The following ALMS1 variants were observed in gnomAD, a reference collection of about 807,000 sequenced individuals.
ALMS1 encodes centrosome-associated protein ALMS1.
In ALMS1, 271 loss-of-function variants were observed where a neutral mutation model predicts 352.2. The ratio of observed to expected loss-of-function variants is 0.77; its 90% CI spans 0.70 to 0.85. The LOEUF is 0.85. ALMS1 is among the 40% of genes least tolerant of loss of function. The pLI, the probability that ALMS1 is intolerant of heterozygous loss-of-function variation, is 0.00. For missense variants in ALMS1, 5,445 were observed against 4,870.7 expected, an observed-to-expected ratio of 1.12 and a Z score of -3.51; for synonymous variants, 1,865 against 1,761.2, an observed-to-expected ratio of 1.06 and a Z score of -1.48.
intron 16 of ALMS1, among the ~76,000 whole-genome samples, chr2:73,581,618 A>G (rs1273886401): frequency 6.6e-6 from 1 of 152,030 alleles, no homozygotes; most frequent in African/African-American, 2.4e-5. Context: ...AGTTTTCCGT[A>G]TTTTTTGGTG....
In ALMS1 at chr2:73,572,422, T is replaced by G; in HGVS notation, c.10545T>G (p.Phe3515Leu). The G allele has an allele frequency of 6.2e-7, 1 of 1,612,870 alleles. No individual in the cohort carries two copies. The highest frequency in any genetic ancestry group is 1.3e-5 in the African/African-American group (1 of 74,966). The change falls in exon 16 of 23, where the codon TTT becomes TTG. Residue 3515 changes from phenylalanine (F) to leucine (L), a missense_variant. Phe to Leu is a conservative substitution (Grantham distance 22, BLOSUM62 0). Coordinates refer to ENST00000613296, the MANE Select transcript of ALMS1 (RefSeq NM_001378454.1). ...VFMRHSWKDF[F>L]QHHPDKHREH... Reference sequence around the variant, plus strand: ...TGAGACATTCTTGGAAAGATTTCTTTCAGCATCATCCAGACAAACATAGAG... The same window carrying G: ...TGAGACATTCTTGGAAAGATTTCTTGCAGCATCATCCAGACAAACATAGAG...
intron 10 of ALMS1, among the ~76,000 whole-genome samples, chr2:73,505,692 G>C (rs1012064711): frequency 3.3e-4 from 50 of 152,022 alleles, no homozygotes; most frequent in Non-Finnish European, 5.4e-4. Flanking sequence ...GTGGATCTCA[G>C]CCCTTTTTCA....
At chr2:73,607,616 C>G (rs972224689) in intron 21 of ALMS1, among the ~76,000 whole-genome samples, 1 of 151,872 alleles carries the variant, frequency 6.6e-6, no homozygotes, top group African/African-American at 2.4e-5. Context: ...TCCCTTTCTG[C>G]TCTTATCCAT....
intron 10 of ALMS1, among the ~76,000 whole-genome samples, chr2:73,493,346 TACACAC>T (rs55857864): frequency 5.9e-4 from 85 of 144,476 alleles, no homozygotes; most frequent in African/African-American, 1.7e-3. Context: ...TAAGGCAAAC[TACACAC>T]ACACACACAC....
rs200826558 is a variant in ALMS1 at position 73,447,896 on chromosome 2, T to TC, written c.1433-62dup. The TC allele has an allele frequency of 2.9e-5, 43 of 1,495,340 alleles. No individual in the cohort carries two copies. In the East Asian group the frequency reaches 9.0e-4, roughly 31 times the overall value. 92.6% of individuals were successfully genotyped at this position (1,495,340 alleles called of 1,614,324 possible). On this transcript the variant is annotated intron_variant, in intron 7 of 22. Transcript: ENST00000613296. ...TTTAAAGGCTCAAAGCTGGCTTTTT[T>TC]CCAGCACATAGAATTTTAAAATAGA...
chr2:73,398,060 A>G (rs932149041), intron 1 of ALMS1, among the ~76,000 whole-genome samples: 1 of 152,200 alleles, frequency 6.6e-6, no homozygotes, highest in East Asian at 1.9e-4. Flanking sequence ...AAACCCAAGG[A>G]CATCTAGATT....
chr2:73,554,149 A>C (rs1373537988), intron 13 of ALMS1, among the ~76,000 whole-genome samples: 1 of 152,020 alleles, frequency 6.6e-6, no homozygotes, highest in Non-Finnish European at 1.5e-5. Flanking sequence ...TCACCTCAAA[A>C]AAGTAAGAAG....
At chr2:73,545,064 G>GT (rs1449227216) in intron 12 of ALMS1, among the ~76,000 whole-genome samples, 5 of 152,026 alleles carry the variant, frequency 3.3e-5, no homozygotes, top group Non-Finnish European at 7.4e-5. Flanking sequence ...TGGGTACAGA[G>GT]TTTAAGTCTG....
At position 73,449,939 on chromosome 2, in the gene ALMS1, A is replaced by G. The variant is rs201884768; in HGVS notation, c.3412A>G (p.Thr1138Ala). ...GLADQKTGTP[T>A]VTSTSYSQHR... ...AGCAGACCAGAAGACTGGCACACCA[A>G]CTGTAACCTCAACTTCCTACTCACA... Residue 1138 changes from threonine to alanine, a missense_variant, in exon 8 of 23, where the codon ACT becomes GCT. Transcript: ENST00000613296. 126 of 1,613,816 alleles carry G rather than the reference A, an allele frequency of 7.8e-5. No individual in the cohort carries two copies. In the Middle Eastern group the frequency reaches 2.1e-3, roughly 27 times the overall value.
intron 10 of ALMS1, among the ~76,000 whole-genome samples, chr2:73,504,886 C>G (rs1156974849): frequency 6.6e-6 from 1 of 152,122 alleles, no homozygotes. Flanking sequence ...CCCTTGCTTC[C>G]TACCCCACAA....
Position 73,451,586 on chromosome 2 carries a change from G to T in ALMS1, c.5059G>T (p.Glu1687Ter). ...CCTATCAGACAGTCATTTACCTGAA[G>T]AAGCTCTGAAAGTTCCACCTGTTCC... ...QTLSDSHLPEEALKVPPVPGP... is the reference protein window; with the variant it reads ...QTLSDSHLPE Residue 1687 changes from glutamate to a stop codon, truncating the protein, a stop_gained, in exon 8 of 23, where the codon GAA becomes TAA. Transcript: ENST00000613296. LOFTEE classifies it high-confidence loss of function. The T allele has an allele frequency of 6.2e-7, 1 of 1,614,068 alleles. No individual in the cohort carries two copies. Among genetic ancestry groups the T allele is most frequent in the Non-Finnish European group, 8.5e-7 (1 of 1,180,000 alleles).
chr2:73,468,726 A>T (rs2103836263), intron 9 of ALMS1, among the ~76,000 whole-genome samples: 1 of 151,988 alleles, frequency 6.6e-6, no homozygotes, highest in East Asian at 1.9e-4. Context: ...TTGTAAAGTG[A>T]GTCTGTTGTA....
chr2:73,468,313 C>G (rs932715404), intron 9 of ALMS1, among the ~76,000 whole-genome samples: 1 of 139,332 alleles, frequency 7.2e-6, no homozygotes, highest in African/African-American at 3.0e-5. Flanking sequence ...TAATAAGACT[C>G]TATATCCACC....
chr2:73,601,189 C>T lies in ALMS1; in HGVS notation c.11873-6C>T, dbSNP rs749542120. ...CTGTGTTCCTTCTAAAAACTGTTTC[C>T]TGTAGGAGTTTCCTGGTTTGTTCCT... On this transcript the variant is annotated splice_polypyrimidine_tract_variant and splice_region_variant and intron_variant, in intron 18 of 22. Coordinates refer to ENST00000613296, the MANE Select transcript of ALMS1 (RefSeq NM_001378454.1). 1.2e-6 allele frequency: 2 copies of T among 1,613,954 alleles called. No homozygotes were observed. Among genetic ancestry groups the T allele is most frequent in the African/African-American group, 1.3e-5 (1 of 74,932 alleles).
intron 10 of ALMS1, among the ~76,000 whole-genome samples, chr2:73,509,509 C>T (rs1212431545): frequency 6.6e-6 from 1 of 152,150 alleles, no homozygotes; most frequent in East Asian, 1.9e-4. Context: ...ATTTCTCCTT[C>T]ACTTATGATG....
At chr2:73,482,682 A>G (rs1167325397) in intron 9 of ALMS1, among the ~76,000 whole-genome samples, 1 of 152,184 alleles carries the variant, frequency 6.6e-6, no homozygotes, top group African/African-American at 2.4e-5. Context: ...CCTCTGGTAG[A>G]ATTCGGCTGT....
chr2:73,603,914 C>A (rs1417599534), intron 21 of ALMS1: 1 of 152,818 alleles, frequency 6.5e-6, no homozygotes, highest in Admixed American at 6.5e-5. Context: ...GTATTTAGAC[C>A]ACATCTTTTA....
At chr2:73,444,340 T>C (rs941446550) in intron 7 of ALMS1, among the ~76,000 whole-genome samples, 1 of 152,182 alleles carries the variant, frequency 6.6e-6, no homozygotes, top group African/African-American at 2.4e-5. Flanking sequence ...GTTATAACTT[T>C]CCCAGGGTTA....
intron 2 of ALMS1, among the ~76,000 whole-genome samples, chr2:73,416,213 C>A (rs1671178916): frequency 6.6e-6 from 1 of 152,098 alleles, no homozygotes; most frequent in African/African-American, 2.4e-5. Flanking sequence ...GAAAGGAGTG[C>A]CCTCTAAAGA....
Sources: gnomAD v4.1 joint callset for allele counts (sites outside exome capture counted in the v4.1 genomes callset) on GRCh38, gnomAD v4.1.1 for gene constraint, MANE v1.5 for transcripts, NCBI Gene and HGNC (gene_info 2026-07-23, HGNC 2026-07-21) for gene names.